Variants in USP32 observed in about 807,000 individuals in gnomAD.
USP32 encodes ubiquitin specific peptidase 32, also known as ubiquitin carboxyl-terminal hydrolase 32.
USP32 carries 59 observed loss-of-function variants against 204.8 expected under a neutral mutation model. The observed-to-expected ratio is 0.29, with a 90% CI of 0.23 to 0.36. The LOEUF is 0.36. USP32 is among the 10% of genes least tolerant of loss of function. The pLI, the probability that USP32 is intolerant of heterozygous loss-of-function variation, is 1.00. For missense variants in USP32, 1,160 were observed against 1,946.4 expected (o/e 0.60, Z 7.60); for synonymous variants, 517 against 678.4 (o/e 0.76, Z 3.70).
chr17:60,339,606 TAA>T (rs1259305022), intron 2 of USP32, among the ~76,000 whole-genome samples: 1 of 148,218 alleles, frequency 6.7e-6, no homozygotes, highest in East Asian at 2.0e-4. Flanking sequence ...AAAAAAAGTA[TAA>T]ACTGCCATGA....
At chr17:60,223,372 C>G in intron 14 of USP32, 39 bp downstream of exon 14, 1 of 1,557,460 alleles carries the variant, frequency 6.4e-7, no homozygotes, top group Non-Finnish European at 8.7e-7. Flanking sequence ...TAATAGCTTG[C>G]AAGAGAATAA....
chr17:60,186,934 A>C (rs955946223), intron 29 of USP32, among the ~76,000 whole-genome samples: 2 of 152,136 alleles, frequency 1.3e-5, no homozygotes, highest in Non-Finnish European at 2.9e-5. Flanking sequence ...TATGAATGCT[A>C]TCATGAGACT....
At chr17:60,365,449 T>A (rs59121466) in intron 1 of USP32, among the ~76,000 whole-genome samples, 6,727 of 151,804 alleles carry the variant, frequency 0.044, 536 homozygotes, top group African/African-American at 0.15. Context: ...CCACTTGCAA[T>A]CCAGCCTGGG....
rs985849237 is a variant in USP32, at chr17:60,366,694, A to T, written c.59-21086T>A. On this transcript the variant is annotated intron_variant, in intron 1 of 33. Transcript: ENST00000300896. ...GGCAGGAGGATCACTTGAGCCCAAG[A>T]GCTTGAGACCATCCTGGGAAACACA... Among the ~76,000 whole-genome samples the T allele has an allele frequency of 7.2e-5, 11 of 151,888 alleles. No homozygotes were observed. The East Asian group carries it at 9.6e-4, about 13-fold the overall frequency.
intron 11 of USP32, among the ~76,000 whole-genome samples, chr17:60,247,943 C>A (rs545469376): frequency 1.3e-5 from 2 of 152,288 alleles, no homozygotes; most frequent in Non-Finnish European, 2.9e-5. Context: ...CTCAGCCTCC[C>A]AAAGCACTAG....
intron 2 of USP32, among the ~76,000 whole-genome samples, chr17:60,334,895 G>A (rs993699242): frequency 1.4e-5 from 2 of 142,670 alleles, no homozygotes; most frequent in Non-Finnish European, 3.0e-5. Flanking sequence ...TCCTGACCTC[G>A]TGATCCACCT....
intron 1 of USP32, among the ~76,000 whole-genome samples, chr17:60,388,761 G>A (rs1449113827): frequency 6.6e-6 from 1 of 152,138 alleles, no homozygotes. Context: ...TTTAGAAAAC[G>A]TTAAGGTTTA....
At chr17:60,230,164 G>A (rs1211118117) in intron 12 of USP32, among the ~76,000 whole-genome samples, 1 of 152,168 alleles carries the variant, frequency 6.6e-6, no homozygotes, top group African/African-American at 2.4e-5. Context: ...GGAAGATTGG[G>A]TCTATTTGAG....
intron 26 of USP32, 90 bp from the exon 27 acceptor site, chr17:60,198,534 A>AT: frequency 1.0e-5 from 15 of 1,454,132 alleles, no homozygotes; most frequent in African/African-American, 1.4e-5. Context: ...AATGACAGGC[A>AT]CTATCACCAT....
intron 1 of USP32, among the ~76,000 whole-genome samples, chr17:60,378,188 T>C (rs1598300940): frequency 6.6e-6 from 1 of 151,880 alleles, no homozygotes; most frequent in Non-Finnish European, 1.5e-5. Flanking sequence ...AATAGCACAT[T>C]AAAAAAATGC....
intron 1 of USP32, among the ~76,000 whole-genome samples, chr17:60,360,439 A>T (rs1179652409): frequency 6.6e-6 from 1 of 151,586 alleles, no homozygotes; most frequent in East Asian, 2.0e-4. Context: ...TGGGTGGATC[A>T]CCTGAAGTCA....
At chr17:60,217,425 G>T (rs974883366) in intron 16 of USP32, among the ~76,000 whole-genome samples, 6 of 152,226 alleles carry the variant, frequency 3.9e-5, no homozygotes, top group Non-Finnish European at 8.8e-5. Flanking sequence ...CTCCCGAGTA[G>T]CTGGGATTAC....
intron 11 of USP32, among the ~76,000 whole-genome samples, chr17:60,248,806 CCACCTCTGAGA>C (rs991526939): frequency 1.1e-4 from 16 of 152,152 alleles, no homozygotes; most frequent in Non-Finnish European, 8.8e-5. Context: ...ACATCTGCTG[CCACCTCTGAGA>C]CAGTTTCTAC....
At chr17:60,297,452 T>C (rs540875453) in intron 3 of USP32, among the ~76,000 whole-genome samples, 46 of 151,878 alleles carry the variant, frequency 3.0e-4, no homozygotes, top group Non-Finnish European at 5.9e-4. Flanking sequence ...CTTTTCTTTT[T>C]TTTTTTTTCT....
intron 9 of USP32, among the ~76,000 whole-genome samples, chr17:60,263,008 G>A (rs2086491559): frequency 6.6e-6 from 1 of 151,892 alleles, no homozygotes; most frequent in Non-Finnish European, 1.5e-5. Flanking sequence ...TAGTGCAGTG[G>A]TGTAATCATG....
At chr17:60,229,814 T>C (rs967784258) in intron 12 of USP32, among the ~76,000 whole-genome samples, 3 of 152,208 alleles carry the variant, frequency 2.0e-5, no homozygotes, top group Admixed American at 2.0e-4. Context: ...AAATTACTTT[T>C]TTTTTCCTTC....
At chr17:60,420,069 G>GTTTATTTTAT (rs200207670) in intron 1 of USP32, among the ~76,000 whole-genome samples, 2 of 148,384 alleles carry the variant, frequency 1.3e-5, no homozygotes, top group Non-Finnish European at 3.0e-5. Flanking sequence ...TATTTATTTT[G>GTTTATTTTAT]TTTATTTTAT....
At chr17:60,314,606 G>A (rs1275476935) in intron 2 of USP32, among the ~76,000 whole-genome samples, 1 of 152,052 alleles carries the variant, frequency 6.6e-6, no homozygotes, top group Non-Finnish European at 1.5e-5. Context: ...AGTAACCTGT[G>A]AAAAACCACC....
intron 2 of USP32, among the ~76,000 whole-genome samples, chr17:60,321,043 C>T (rs2088100683): frequency 6.6e-6 from 1 of 152,172 alleles, no homozygotes; most frequent in Middle Eastern, 3.4e-3. Flanking sequence ...AGTAGTATAA[C>T]TAAAAACCCT....
Sources: allele counts gnomAD v4.1 joint callset (sites outside exome capture counted in the v4.1 genomes callset), GRCh38; gene constraint gnomAD v4.1.1; transcripts MANE v1.5; gene names NCBI Gene and HGNC (gene_info 2026-07-23, HGNC 2026-07-21).